The following FMR1 variants were observed in gnomAD, a reference collection of about 807,000 sequenced individuals.
FMR1 encodes the protein FMRP translational regulator 1.
A neutral mutation model predicts 50.6 loss-of-function variants in FMR1; 13 were observed. The observed-to-expected ratio is 0.26, with a 90% CI of 0.17 to 0.41. The LOEUF is 0.41. Ranked by LOEUF, FMR1 falls within the 10% of genes least tolerant of loss-of-function variation. The pLI, the probability that FMR1 is intolerant of heterozygous loss-of-function variation, is 1.00. For synonymous variants in FMR1, 138 were observed against 164.1 expected, an observed-to-expected ratio of 0.84 and a Z score of 1.22; for missense variants, 316 against 491.3, an observed-to-expected ratio of 0.64 and a Z score of 3.37.
At chrX:147,917,532 C>T (rs1356658077) in intron 1 of FMR1, among the ~76,000 whole-genome samples, 1 of 111,311 alleles carries the variant, frequency 9.0e-6, no homozygotes, top group African/African-American at 3.3e-5. Flanking sequence ...TTTTTTCTTC[C>T]CAAACTCTAA....
intron 1 of FMR1, among the ~76,000 whole-genome samples, chrX:147,916,830 C>A (rs1313288472): frequency 6.3e-5 from 7 of 111,505 alleles, no homozygotes; most frequent in African/African-American, 1.6e-4. Flanking sequence ...CTCCACCTCT[C>A]GGGTTCAAGC....
intron 3 of FMR1, among the ~76,000 whole-genome samples, chrX:147,926,740 G>A (rs373276247): frequency 1.8e-5 from 2 of 110,968 alleles, no homozygotes; most frequent in South Asian, 3.8e-4. Context: ...CACTCGCCTC[G>A]GCCTCCCAAA....
Position 147,921,987 on chromosome X carries a change from TA to T in FMR1, c.104+4del. ...AATAACAGTTGCATTTGAAAACAAG[TA>T]AGTGTCTCGTTATATAATTTTAATG... On this transcript the variant is annotated splice_donor_region_variant and intron_variant, in intron 2 of 16. Coordinates refer to ENST00000370475, the MANE Select transcript of FMR1 (RefSeq NM_002024.6). 1 of 1,039,006 alleles carries T rather than the reference TA, an allele frequency of 9.6e-7. No homozygotes were observed. Among genetic ancestry groups the T allele is most frequent in the Non-Finnish European group, 1.4e-6 (1 of 739,512 alleles). The allele number at this position is 1,039,006 out of a possible 1,213,427, so 85.6% of individuals were successfully genotyped here.
chrX:147,932,386 T>A, intron 7 of FMR1, 39 bp from the exon 8 acceptor site: 1 of 1,169,328 alleles, frequency 8.6e-7, no homozygotes, highest in Non-Finnish European at 1.2e-6. Context: ...GTCGTAATAG[T>A]TGATAAAGTG....
chrX:147,945,847 C>T, intron 16 of FMR1: 1 of 318,385 alleles, frequency 3.1e-6, no homozygotes, highest in Non-Finnish European at 5.4e-6. Flanking sequence ...AAGACCTTGA[C>T]AGCCACACTA....
At chrX:147,939,254 G>GTT (rs202080813) in intron 12 of FMR1, among the ~76,000 whole-genome samples, 2 of 105,898 alleles carry the variant, frequency 1.9e-5, no homozygotes, top group African/African-American at 7.0e-5. Flanking sequence ...AGAAGTAGTT[G>GTT]TTTTTTTTTT....
chrX:147,937,658 A>G (rs1417172672), intron 11 of FMR1, 58 bp downstream of exon 11: 3 of 630,037 alleles, frequency 4.8e-6, no homozygotes, highest in African/African-American at 4.4e-5. Flanking sequence ...AGATGTCACA[A>G]TTGGTATTTT....
rs1309807991 is a variant in FMR1, at chrX:147,948,972, T to C, written c.*128T>C. Reference sequence around the variant, plus strand: ...CAGGGCATGAAATGAACACAAATTATGCTAAGAATTTTTTATTTTTTGGTA... The same window carrying C: ...CAGGGCATGAAATGAACACAAATTACGCTAAGAATTTTTTATTTTTTGGTA... On this transcript the variant is annotated 3_prime_UTR_variant, in exon 17 of 17. Coordinates refer to ENST00000370475, the MANE Select transcript of FMR1 (RefSeq NM_002024.6). 3 of 704,802 alleles carry C rather than the reference T, an allele frequency of 4.3e-6. No individual in the cohort carries two copies. The highest frequency in any genetic ancestry group is 2.1e-5 in the African/African-American group (1 of 47,012). 58.1% of individuals were successfully genotyped at this position (704,802 alleles called of 1,213,427 possible). A position where few individuals can be genotyped will look rare whatever the true frequency, so the allele number is the denominator to read the frequency against.
At chrX:147,922,867 G>T (rs2043232632) in intron 2 of FMR1, among the ~76,000 whole-genome samples, 1 of 111,649 alleles carries the variant, frequency 9.0e-6, no homozygotes, top group South Asian at 3.7e-4. Flanking sequence ...TAGCTAAAGA[G>T]TACAGGATTT....
intron 7 of FMR1, among the ~76,000 whole-genome samples, chrX:147,931,970 T>C (rs1194981083): frequency 1.8e-5 from 2 of 111,961 alleles, no homozygotes; most frequent in Non-Finnish European, 3.8e-5. Flanking sequence ...CCAGAAAATA[T>C]ATACTGATAC....
intron 3 of FMR1, chrX:147,928,047 A>G (rs1261951531): frequency 1.5e-5 from 4 of 274,003 alleles, no homozygotes; most frequent in Non-Finnish European, 2.5e-5. Flanking sequence ...ATGGGCGTCT[A>G]TTTTCAGAGC....
At position 147,939,555 on chromosome X, in the gene FMR1, T is replaced by C. The variant is rs1437013566; in HGVS notation, c.1189-1021T>C. Among the ~76,000 whole-genome samples the C allele has an allele frequency of 2.7e-5, 3 of 111,386 alleles. No homozygotes were observed. In the East Asian group the frequency reaches 8.4e-4, roughly 31 times the overall value. On this transcript the variant is annotated intron_variant, in intron 12 of 16. Transcript: ENST00000370475. ...TATTTACTTGGTTAGCAGAAATGAT[T>C]TACTTTTTACTTTTGTACCCTTGGT...
chrX:147,938,554 G>A (rs1216681885), intron 12 of FMR1, among the ~76,000 whole-genome samples: 1 of 111,539 alleles, frequency 9.0e-6, no homozygotes, highest in Non-Finnish European at 1.9e-5. Flanking sequence ...CTTTCCTTGT[G>A]TACTTGCCGA....
In FMR1 at chrX:147,916,001, G is replaced by A. The variant is rs1557175108; in HGVS notation, c.51+3771G>A. On this transcript the variant is annotated intron_variant, in intron 1 of 16. Transcript: ENST00000370475. ...AGCATCCTATAACTATAGTTACAGT[G>A]TTATATTACCATTTTTTATTGTTAA... 4.5e-5 allele frequency among the ~76,000 whole-genome samples: 5 copies of A among 112,287 alleles called. No homozygotes were observed. In the South Asian group the frequency reaches 1.5e-3, roughly 33 times the overall value.
intron 1 of FMR1, among the ~76,000 whole-genome samples, chrX:147,920,414 C>A (rs1422885183): frequency 8.9e-6 from 1 of 111,819 alleles, no homozygotes; most frequent in African/African-American, 3.3e-5. Context: ...ATCCTCCACT[C>A]TCTTTTGTTT....
At chrX:147,924,428 C>A (rs2124485243) in intron 2 of FMR1, among the ~76,000 whole-genome samples, 1 of 107,180 alleles carries the variant, frequency 9.3e-6, no homozygotes, top group Non-Finnish European at 1.9e-5. Flanking sequence ...GAAGTTGAAT[C>A]CTCAGTATTT....
intron 14 of FMR1, 56 bp downstream of exon 14, chrX:147,943,382 T>C: frequency 2.0e-6 from 2 of 990,677 alleles, no homozygotes; most frequent in Non-Finnish European, 2.9e-6. Flanking sequence ...TTATAGCTGC[T>C]AATCTCTAAT....
At position 147,922,003 on chromosome X, in the gene FMR1, T is replaced by A. The variant is rs1557176604; in HGVS notation, c.104+18T>A. On this transcript the variant is annotated intron_variant, in intron 2 of 16. Transcript: ENST00000370475. ...GAAAACAAGTAAGTGTCTCGTTATA[T>A]AATTTTAATGATGAGGTTCTTTAAT... The A allele has an allele frequency of 3.1e-6, 3 of 952,526 alleles. No individual in the cohort carries two copies. The highest frequency in any genetic ancestry group is 4.5e-6 in the Non-Finnish European group (3 of 661,791). The allele number at this position is 952,526 out of a possible 1,213,427, so 78.5% of individuals were successfully genotyped here.
chrX:147,937,557 A>C lies in FMR1; in HGVS notation c.1082A>C (p.Asn361Thr). ...EEKKHLDIKE[N>T]STHFSQPNST... ...AAAAAACATTTAGATATAAAGGAAA[A>C]CAGCACCCATTTTTCTCAACCTAAC... The change falls in exon 11 of 17, where the codon AAC (asparagine) becomes ACC (threonine). Residue 361 changes from asparagine to threonine, a missense_variant. Asn to Thr is a moderately conservative substitution (Grantham distance 65). Around this residue, in one of 4 missense-constraint regions of FMR1, gnomAD observed 53 missense variants for 51.5 expected, o/e 1.03. Transcript: ENST00000370475. 1.7e-6 allele frequency: 2 copies of C among 1,152,762 alleles called. No homozygotes were observed. Among genetic ancestry groups the C allele is most frequent in the Non-Finnish European group, 2.4e-6 (2 of 841,844 alleles).
Sources: allele counts gnomAD v4.1 joint callset (sites outside exome capture counted in the v4.1 genomes callset), GRCh38; gene constraint gnomAD v4.1.1; regional missense constraint gnomAD v4.1.1; transcripts MANE v1.5; gene names NCBI Gene and HGNC (gene_info 2026-07-23, HGNC 2026-07-21).